The following ESYT2 variants were observed in gnomAD, a reference collection of about 807,000 sequenced individuals.
The protein encoded by ESYT2 is extended synaptotagmin-2.
Under a neutral mutation model 107.2 loss-of-function variants are expected in ESYT2, and 54 were observed. The ratio of observed to expected loss-of-function variants is 0.50; its 90% CI spans 0.40 to 0.63. The LOEUF (loss-of-function observed/expected upper bound fraction) is 0.63. ESYT2 is among the 30% of genes least tolerant of loss of function. ESYT2 has a pLI of 0.00. For missense variants in ESYT2, 1,020 were observed against 1,094.5 expected, an observed-to-expected ratio of 0.93 and a Z score of 0.96; for synonymous variants, 491 against 434.1, an observed-to-expected ratio of 1.13 and a Z score of -1.63.
At chr7:158,782,365 C>A (rs1200110050) in intron 6 of ESYT2, among the ~76,000 whole-genome samples, 1 of 122,580 alleles carries the variant, frequency 8.2e-6, no homozygotes, top group Non-Finnish European at 1.6e-5. Context: ...CGTGAGTGAA[C>A]GAGTGTGAGA....
At chr7:158,752,215 T>C (rs1367629649) in intron 14 of ESYT2, among the ~76,000 whole-genome samples, 3 of 152,220 alleles carry the variant, frequency 2.0e-5, no homozygotes, top group Non-Finnish European at 4.4e-5. Context: ...TTTTTAACAA[T>C]TTGCCAGAGC....
chr7:158,803,439 C>A (rs1240339508), intron 1 of ESYT2, among the ~76,000 whole-genome samples: 2 of 152,186 alleles, frequency 1.3e-5, no homozygotes, highest in Admixed American at 6.5e-5. Flanking sequence ...TTTCTAGAAG[C>A]CTTTAGGCAA....
intron 6 of ESYT2, among the ~76,000 whole-genome samples, chr7:158,780,369 T>C (rs1441483211): frequency 6.6e-6 from 1 of 152,190 alleles, no homozygotes; most frequent in African/African-American, 2.4e-5. Context: ...ATGTGCCACA[T>C]AAGCATCACA....
intron 16 of ESYT2, among the ~76,000 whole-genome samples, chr7:158,747,804 A>G (rs7806073): frequency 0.024 from 3,682 of 152,324 alleles, 153 homozygotes; most frequent in African/African-American, 0.083. Context: ...TCTTTTATCA[A>G]TGTCTTACTC....
At chr7:158,769,917 A>AT (rs1838295099) in intron 7 of ESYT2, among the ~76,000 whole-genome samples, 1 of 151,832 alleles carries the variant, frequency 6.6e-6, no homozygotes, top group South Asian at 2.1e-4. Context: ...TTATTTATTT[A>AT]TTTTTTTAAT....
chr7:158,782,633 G>C (rs769787679), intron 6 of ESYT2, among the ~76,000 whole-genome samples: 1 of 85,396 alleles, frequency 1.2e-5, no homozygotes. Flanking sequence ...ATGTGAAGTG[G>C]GTATGTGAGA....
chr7:158,829,207 G>A lies in ESYT2; in HGVS notation c.212C>T (p.Ala71Val). 1 of 1,530,078 alleles carries A rather than the reference G, an allele frequency of 6.5e-7. No individual in the cohort carries two copies. Among genetic ancestry groups the A allele is most frequent in the Non-Finnish European group, 8.7e-7 (1 of 1,146,002 alleles). The allele number at this position is 1,530,078 out of a possible 1,614,324, so 94.8% of individuals were successfully genotyped here. Reference sequence around the variant, plus strand: ...GAGGCCGCGGCTGCGGCGACACCAGGCGAGCAGCGCGAGCGCGAGGAGAAC... The same window carrying A: ...GAGGCCGCGGCTGCGGCGACACCAGACGAGCAGCGCGAGCGCGAGGAGAAC... Reference protein sequence around the residue: ...SWVLLALALLAWCRRSRGLKA... With the variant: ...SWVLLALALLVWCRRSRGLKA... Residue 71 changes from alanine to valine, a missense_variant, in exon 1 of 23, where the codon GCC (alanine) becomes GTC (valine). Physicochemically the swap from Ala to Val is moderately conservative, Grantham distance 64 (BLOSUM62 0). Transcript: ENST00000275418.
At chr7:158,804,581 G>A (rs542787545) in intron 1 of ESYT2, among the ~76,000 whole-genome samples, 4 of 150,906 alleles carry the variant, frequency 2.7e-5, no homozygotes, top group Non-Finnish European at 4.4e-5. Context: ...CCAAACTGCC[G>A]AGAAAGGTGA....
At chr7:158,749,500 GA>G in intron 15 of ESYT2, 148 bp downstream of exon 15, 1 of 684,082 alleles carries the variant, frequency 1.5e-6, no homozygotes, top group Non-Finnish European at 2.5e-6. Flanking sequence ...ACTGATCTAA[GA>G]AAAAATAGAT....
chr7:158,758,782 G>T (rs967596910), intron 13 of ESYT2, among the ~76,000 whole-genome samples: 8 of 152,188 alleles, frequency 5.3e-5, no homozygotes, highest in Admixed American at 5.2e-4. Context: ...AGGGTTTAAG[G>T]TAGGATGACG....
chr7:158,761,649 A>G, intron 10 of ESYT2, 105 bp from the exon 11 acceptor site: 2 of 1,033,766 alleles, frequency 1.9e-6, no homozygotes, highest in Non-Finnish European at 2.9e-6. Flanking sequence ...AACCTTAAGC[A>G]TTTGTCTATG....
At chr7:158,744,252 G>A (rs989643547) in intron 16 of ESYT2, 4 of 152,068 alleles carry the variant, frequency 2.6e-5, no homozygotes, top group African/African-American at 4.8e-5. Context: ...CTGCTATTTC[G>A]TCATTATAGA....
At chr7:158,788,682 T>C (rs1031636164) in intron 4 of ESYT2, among the ~76,000 whole-genome samples, 1 of 152,176 alleles carries the variant, frequency 6.6e-6, no homozygotes, top group Non-Finnish European at 1.5e-5. Context: ...GTTGGTCTTA[T>C]ATATAAAACA....
At chr7:158,781,384 G>A (rs1838796250) in intron 6 of ESYT2, among the ~76,000 whole-genome samples, 1 of 151,894 alleles carries the variant, frequency 6.6e-6, no homozygotes, top group Non-Finnish European at 1.5e-5. Flanking sequence ...GAGAGTGAAC[G>A]AGTGTTGAGA....
intron 1 of ESYT2, among the ~76,000 whole-genome samples, chr7:158,827,982 G>A (rs1011053721): frequency 6.6e-6 from 1 of 152,140 alleles, no homozygotes; most frequent in Non-Finnish European, 1.5e-5. Flanking sequence ...GTAGAGAACT[G>A]CCGGGTTAAA....
intron 6 of ESYT2, among the ~76,000 whole-genome samples, chr7:158,779,643 T>C (rs563403288): frequency 1.3e-5 from 2 of 152,306 alleles, no homozygotes; most frequent in East Asian, 3.9e-4. Flanking sequence ...CGACTGATTT[T>C]TAAGGACAGC....
rs1273450547 is a variant in ESYT2, at chr7:158,829,322, G to A, written c.97C>T (p.Leu33=). The part of the protein sequence containing the change: ...ENPGGVLSVE[L]PGLLAQLARS... ...GCCAGCTGCGCCAGCAGCCCGGGCAGCTCCACGCTCAGCACGCCCCCGGGG... is the reference window on the plus strand; with the variant it reads ...GCCAGCTGCGCCAGCAGCCCGGGCAACTCCACGCTCAGCACGCCCCCGGGG... The change falls in exon 1 of 23, where the codon CTG becomes TTG. Residue 33 remains leucine, a synonymous_variant. Transcript: ENST00000275418. 8 of 1,489,782 alleles carry A rather than the reference G, an allele frequency of 5.4e-6. No homozygotes were observed. The highest frequency in any genetic ancestry group is 7.1e-6 in the Non-Finnish European group (8 of 1,128,516). 92.3% of individuals were successfully genotyped at this position (1,489,782 alleles called of 1,614,324 possible).
At chr7:158,785,596 A>C (rs970774230) in intron 6 of ESYT2, among the ~76,000 whole-genome samples, 83 of 152,306 alleles carry the variant, frequency 5.4e-4, no homozygotes, top group African/African-American at 1.9e-3. Context: ...TTTAATTTTC[A>C]GATTTAATTG....
In ESYT2 at chr7:158,773,324, C is replaced by G; in HGVS notation, c.803+17G>C. 1 of 1,613,990 alleles carries G rather than the reference C, an allele frequency of 6.2e-7. No individual in the cohort carries two copies. The highest frequency in any genetic ancestry group is 8.5e-7 in the Non-Finnish European group (1 of 1,179,934). ...GCCCTCGAACGCTAAGCCTCCGGGA[C>G]CAGACACGAGACTTACTTCAATCCA... is the stretch of plus-strand genomic sequence containing the variant. On this transcript the variant is annotated intron_variant, in intron 7 of 22. Transcript: ENST00000275418.
Sources: gnomAD v4.1 joint callset for allele counts (sites outside exome capture counted in the v4.1 genomes callset) on GRCh38, gnomAD v4.1.1 for gene constraint, MANE v1.5 for transcripts, NCBI Gene and HGNC (gene_info 2026-07-23, HGNC 2026-07-21) for gene names.